The following FOXP1 variants were observed in gnomAD, a reference collection of about 807,000 sequenced individuals.
The protein encoded by FOXP1 is forkhead box P1.
A neutral mutation model predicts 98.2 loss-of-function variants in FOXP1; 15 were observed. The ratio of observed to expected loss-of-function variants is 0.15; its 90% CI spans 0.10 to 0.24. The LOEUF is 0.24. Among genes scored for constraint, FOXP1 ranks in the 10% least tolerant of loss-of-function variants. The pLI, the probability that FOXP1 is intolerant of heterozygous loss-of-function variation, is 1.00. For missense variants in FOXP1, 633 were observed against 848.5 expected, an observed-to-expected ratio of 0.75 and a Z score of 3.15; for synonymous variants, 371 against 314.5, an observed-to-expected ratio of 1.18 and a Z score of -1.90.
intron 3 of FOXP1, among the ~76,000 whole-genome samples, chr3:71,362,697 T>C (rs79603574): frequency 9.2e-5 from 14 of 152,186 alleles, no homozygotes; most frequent in Admixed American, 9.2e-4. Flanking sequence ...CTGAAACTCC[T>C]GGCCTCAAGC....
chr3:70,957,180 T>C lies in FOXP1; in HGVS notation c.*2067A>G, dbSNP rs557236485. ...TTTTTTTTTTGAGATGGGACTCCCT[T>C]CCTTCTGTAGCTCCTTTAATATTGT... On this transcript the variant is annotated 3_prime_UTR_variant, in exon 21 of 21. Transcript: ENST00000649528. 1.9e-3 allele frequency: 431 copies of C among 224,032 alleles called. No homozygotes were observed. The highest frequency in any genetic ancestry group is 3.1e-3 in the Non-Finnish European group (345 of 112,092). 13.9% of individuals were successfully genotyped at this position (224,032 alleles called of 1,614,324 possible).
intron 2 of FOXP1, among the ~76,000 whole-genome samples, chr3:71,508,384 G>A (rs1383783693): frequency 1.3e-5 from 2 of 152,234 alleles, no homozygotes; most frequent in East Asian, 3.9e-4. Flanking sequence ...CACTGTGACA[G>A]AAGCAGATGC....
intron 2 of FOXP1, among the ~76,000 whole-genome samples, chr3:71,562,675 A>G (rs1025492260): frequency 5.9e-5 from 9 of 152,220 alleles, no homozygotes; most frequent in African/African-American, 1.9e-4. Context: ...AACTGAGGCT[A>G]AGAAATTGAC....
chr3:71,158,974 C>T (rs1020213520), intron 6 of FOXP1, among the ~76,000 whole-genome samples: 3 of 151,820 alleles, frequency 2.0e-5, no homozygotes, highest in Non-Finnish European at 4.4e-5. Context: ...GGCAAGATGG[C>T]GCATGCCTTT....
chr3:71,217,612 G>C (rs981315849), intron 5 of FOXP1, among the ~76,000 whole-genome samples: 9 of 152,068 alleles, frequency 5.9e-5, no homozygotes, highest in Non-Finnish European at 8.8e-5. Context: ...GTGGAGAAGA[G>C]AGAGATGGGC....
At chr3:71,321,683 G>A (rs1249778622) in intron 4 of FOXP1, among the ~76,000 whole-genome samples, 1 of 150,814 alleles carries the variant, frequency 6.6e-6, no homozygotes. Flanking sequence ...GTGCAGTGGT[G>A]CGATCTCCTC....
intron 6 of FOXP1, among the ~76,000 whole-genome samples, chr3:71,133,665 T>C (rs2059678075): frequency 6.6e-6 from 1 of 151,394 alleles, no homozygotes; most frequent in African/African-American, 2.4e-5. Context: ...CTTAATGTAG[T>C]CCTCCTCTAA....
intron 4 of FOXP1, chr3:71,334,462 T>C (rs995685730): frequency 3.3e-5 from 5 of 152,002 alleles, no homozygotes; most frequent in Middle Eastern, 3.2e-3. Context: ...AAGAAAATTG[T>C]CCAAATACCT....
intron 14 of FOXP1, among the ~76,000 whole-genome samples, chr3:70,980,798 C>T (rs1379521074): frequency 6.6e-6 from 1 of 152,122 alleles, no homozygotes; most frequent in South Asian, 2.1e-4. Context: ...GCCCTTGAAG[C>T]GCTTACCATC....
At chr3:71,489,422 C>T (rs994090585) in intron 3 of FOXP1, among the ~76,000 whole-genome samples, 2 of 152,228 alleles carry the variant, frequency 1.3e-5, no homozygotes, top group African/African-American at 2.4e-5. Context: ...GATGCAATGA[C>T]AGAGCAGAGA....
rs114895251 is a variant in FOXP1 at position 71,256,043 on chromosome 3, T to C, written c.-12+43777A>G. 6.7e-3 allele frequency among the ~76,000 whole-genome samples: 1,025 copies of C among 152,318 alleles called. 15 individuals are homozygous for C. Among genetic ancestry groups the C allele is most frequent in the African/African-American group, 0.024 (987 of 41,554 alleles). On this transcript the variant is annotated intron_variant, in intron 5 of 20. Coordinates refer to ENST00000649528, the MANE Select transcript of FOXP1 (RefSeq NM_001349338.3). ...AGAGCTTGGGTTTTATTAGGACTAG[T>C]TGGACGAAGGTCTTCAGCAGCAAGC... is the stretch of plus-strand genomic sequence containing the variant.
chr3:71,397,056 A>ATATG (rs2081533713), intron 3 of FOXP1, among the ~76,000 whole-genome samples: 2 of 108,018 alleles, frequency 1.9e-5, no homozygotes, highest in Non-Finnish European at 3.6e-5. Context: ...ATACACATAT[A>ATATG]TATGTGTATA....
chr3:70,967,753 T>G (rs1294224748), intron 19 of FOXP1, among the ~76,000 whole-genome samples: 1 of 139,270 alleles, frequency 7.2e-6, no homozygotes, highest in Non-Finnish European at 1.5e-5. Context: ...GACAAGCATC[T>G]TAACTGCTTT....
chr3:71,103,127 G>T (rs137908682), intron 7 of FOXP1, among the ~76,000 whole-genome samples: 3 of 152,148 alleles, frequency 2.0e-5, no homozygotes, highest in African/African-American at 4.8e-5. Flanking sequence ...TGTCAGGGTA[G>T]GGGGTTGCAG....
chr3:70,958,205 A>AAAAAT lies in FOXP1; in HGVS notation c.*1041_*1042insATTTT. 1 of 441,422 alleles carries AAAAAT rather than the reference A, an allele frequency of 2.3e-6. No individual in the cohort carries two copies. Among genetic ancestry groups the AAAAAT allele is most frequent in the South Asian group, 2.1e-5 (1 of 47,306 alleles). The allele number at this position is 441,422 out of a possible 1,614,324, so 27.3% of individuals were successfully genotyped here. On this transcript the variant is annotated 3_prime_UTR_variant, in exon 21 of 21. Coordinates refer to ENST00000649528, the MANE Select transcript of FOXP1 (RefSeq NM_001349338.3). The stretch of plus-strand genomic sequence containing the variant: ...TTATTAATGGTTGCTGCAAAAAAAA[A>AAAAAT]AAAAGAAAAGAAAAGAAAAAAAGAA...
chr3:71,012,929 CAT>C (rs2043871688), intron 12 of FOXP1, among the ~76,000 whole-genome samples: 1 of 152,108 alleles, frequency 6.6e-6, no homozygotes. Flanking sequence ...TGTTTGATTA[CAT>C]GTCTATAATA....
At chr3:71,126,795 G>C (rs2059215786) in intron 6 of FOXP1, among the ~76,000 whole-genome samples, 1 of 142,404 alleles carries the variant, frequency 7.0e-6, no homozygotes, top group Non-Finnish European at 1.5e-5. Flanking sequence ...CTGTACCCCA[G>C]ACTGGGTTAC....
chr3:71,520,890 C>G (rs904804553), intron 2 of FOXP1, among the ~76,000 whole-genome samples: 1 of 152,190 alleles, frequency 6.6e-6, no homozygotes, highest in Non-Finnish European at 1.5e-5. Flanking sequence ...CTGACACCCA[C>G]GCTGAGCAGC....
intron 11 of FOXP1, among the ~76,000 whole-genome samples, chr3:71,038,009 AG>A (rs980288239): frequency 6.6e-6 from 1 of 152,272 alleles, no homozygotes; most frequent in African/African-American, 2.4e-5. Context: ...AGAGGAGAGT[AG>A]GAGTGTCGTG....
Sources: allele counts gnomAD v4.1 joint callset (sites outside exome capture counted in the v4.1 genomes callset), GRCh38; gene constraint gnomAD v4.1.1; transcripts MANE v1.5; gene names NCBI Gene and HGNC (gene_info 2026-07-23, HGNC 2026-07-21).